The following TUBG2 variants were observed in gnomAD, a reference collection of about 807,000 sequenced individuals.
TUBG2 encodes the protein tubulin gamma-2 chain.
TUBG2 carries 39 observed loss-of-function variants against 55.1 expected under a neutral mutation model. The ratio of observed to expected loss-of-function variants is 0.71; its 90% CI spans 0.55 to 0.93. The LOEUF is 0.93. Among genes scored for constraint, TUBG2 ranks in the 40% least tolerant of loss-of-function variants. TUBG2 has a pLI of 0.00. For missense variants in TUBG2, 358 were observed against 599.1 expected, an observed-to-expected ratio of 0.60 and a Z score of 4.20; for synonymous variants, 223 against 241.0, an observed-to-expected ratio of 0.93 and a Z score of 0.69.
At chr17:42,662,524 C>T (rs773524211) in intron 4 of TUBG2, among the ~76,000 whole-genome samples, 2 of 151,518 alleles carry the variant, frequency 1.3e-5, no homozygotes, top group African/African-American at 2.4e-5. Context: ...GAGAATGGCT[C>T]GAACCTAGGA....
At chr17:42,666,262 G>A (rs397751070) in intron 9 of TUBG2, 23 bp downstream of exon 9, 111 of 1,613,936 alleles carry the variant, frequency 6.9e-5, no homozygotes, top group African/African-American at 5.6e-4. Flanking sequence ...CCTTCATCCC[G>A]CGCCCTGGAC....
At chr17:42,663,812 G>A (rs979780193) in intron 6 of TUBG2, among the ~76,000 whole-genome samples, 4 of 151,900 alleles carry the variant, frequency 2.6e-5, no homozygotes, top group Admixed American at 6.6e-5. Context: ...GCGTGGTGGC[G>A]CATGCCTGTA....
At chr17:42,665,087 C>A (rs1028848477) in intron 6 of TUBG2, among the ~76,000 whole-genome samples, 1 of 151,168 alleles carries the variant, frequency 6.6e-6, no homozygotes, top group Admixed American at 6.6e-5. Context: ...TTGCTCTGTC[C>A]CCCAGGCTGG....
At chr17:42,665,897 C>G in intron 8 of TUBG2, 70 bp downstream of exon 8, 2 of 1,604,664 alleles carry the variant, frequency 1.2e-6, no homozygotes, top group South Asian at 1.1e-5. Context: ...CAGCCTTTCT[C>G]TCTTCCCCAC....
chr17:42,666,613 G>A lies in TUBG2; in HGVS notation c.1169G>A (p.Ser390Asn). The A allele has an allele frequency of 2.5e-6, 4 of 1,614,216 alleles. No individual in the cohort carries two copies. The highest frequency in any genetic ancestry group is 8.5e-7 in the Non-Finnish European group (1 of 1,180,030). ...TTTCATCTCTTTCAGCTCTTTGAAA[G>A]TTCCTGCCAGCAGTTTGACAAGCTG... ...NHTSISSLFE[S>N]SCQQFDKLRK... The change falls in exon 11 of 11, where the codon AGT becomes AAT. Residue 390 changes from serine (S) to asparagine (N), a missense_variant. Physicochemically the swap from Ser to Asn is conservative, Grantham distance 46. Transcript: ENST00000251412.
intron 1 of TUBG2, 24 bp downstream of exon 1, chr17:42,659,576 G>T (rs374679192): frequency 1.3e-5 from 20 of 1,539,342 alleles, no homozygotes; most frequent in East Asian, 2.4e-5. Flanking sequence ...CGCCGGCCCC[G>T]CCGGTCTCTG....
At chr17:42,662,371 C>T (rs953049021) in intron 4 of TUBG2, among the ~76,000 whole-genome samples, 2 of 151,928 alleles carry the variant, frequency 1.3e-5, no homozygotes, top group African/African-American at 2.4e-5. Flanking sequence ...TTTGGCAGGC[C>T]GAGGCGGGCA....
At chr17:42,666,292 G>A (rs2052540142) in intron 9 of TUBG2, 31 bp from the exon 10 acceptor site, 5 of 1,614,000 alleles carry the variant, frequency 3.1e-6, no homozygotes, top group Non-Finnish European at 3.4e-6. Context: ...TAGAGGAGAG[G>A]CCACCTCCAC....
chr17:42,666,898 T>C lies in TUBG2; in HGVS notation c.*98T>C. The C allele has an allele frequency of 7.5e-7, 1 of 1,334,824 alleles. No homozygotes were observed. Among genetic ancestry groups the C allele is most frequent in the Non-Finnish European group, 1.0e-6 (1 of 954,468 alleles). The allele number at this position is 1,334,824 out of a possible 1,614,324, so 82.7% of individuals were successfully genotyped here. ...AGCTTCACCTCATGGACAACCCTTC[T>C]TGGTTCATCTCCAGCCCGTGAGCTG... On this transcript the variant is annotated 3_prime_UTR_variant, in exon 11 of 11. Coordinates refer to ENST00000251412, the MANE Select transcript of TUBG2 (RefSeq NM_016437.3).
chr17:42,663,082 A>G lies in TUBG2; in HGVS notation c.479+30A>G, dbSNP rs145824612. 9.2e-4 allele frequency: 1,473 copies of G among 1,603,642 alleles called. 1 individual carries two copies. The highest frequency in any genetic ancestry group is 1.2e-3 in the South Asian group (111 of 90,406). ...GCCTGTGTTTGGGGAGAGGGCATTA[A>G]CCCTGGTTCCCTGAGTAATGTCATT... is the stretch of plus-strand genomic sequence containing the variant. On this transcript the variant is annotated intron_variant, in intron 5 of 10. Coordinates refer to ENST00000251412, the MANE Select transcript of TUBG2 (RefSeq NM_016437.3).
At position 42,659,392 on chromosome 17, in the gene TUBG2, A is replaced by T; in HGVS notation, c.-112A>T. 1 of 1,154,886 alleles carries T rather than the reference A, an allele frequency of 8.7e-7. No homozygotes were observed. Among genetic ancestry groups the T allele is most frequent in the Non-Finnish European group, 1.2e-6 (1 of 836,722 alleles). The allele number at this position is 1,154,886 out of a possible 1,614,324, so 71.5% of individuals were successfully genotyped here. Reference sequence around the variant, plus strand: ...CACGCGCAGACCGAGCATCCGCGTCAAGAGGCGAAGAGAGCGCGCGCTCCC... The same window carrying T: ...CACGCGCAGACCGAGCATCCGCGTCTAGAGGCGAAGAGAGCGCGCGCTCCC... On this transcript the variant is annotated 5_prime_UTR_variant, in exon 1 of 11. Coordinates refer to ENST00000251412, the MANE Select transcript of TUBG2 (RefSeq NM_016437.3).
At chr17:42,661,965 ACTC>A (rs1400391298) in intron 4 of TUBG2, among the ~76,000 whole-genome samples, 1 of 152,078 alleles carries the variant, frequency 6.6e-6, no homozygotes, top group African/African-American at 2.4e-5. Context: ...AGGTACAGAT[ACTC>A]CTCAACTTAC....
Position 42,660,307 on chromosome 17 carries a change from A to G in TUBG2, c.321A>G (p.Gly107=). 1 of 1,614,184 alleles carries G rather than the reference A, an allele frequency of 6.2e-7. No individual in the cohort carries two copies. The highest frequency in any genetic ancestry group is 2.2e-5 in the East Asian group (1 of 44,884). Residue 107 remains glycine, a synonymous_variant, in exon 3 of 11, where the codon GGA becomes GGG. Coordinates refer to ENST00000251412, the MANE Select transcript of TUBG2 (RefSeq NM_016437.3). ...GAGCTGGCAACAACTGGGCCAGCGG[A>G]TTCTCCCAGGTGTCCTAGCGACCAT... ...GGGAGNNWAS[G]FSQGEKIHED...
chr17:42,665,453 G>A (rs372624649), intron 6 of TUBG2, 23 bp from the exon 7 acceptor site: 6 of 1,613,908 alleles, frequency 3.7e-6, no homozygotes, highest in Non-Finnish European at 5.1e-6. Flanking sequence ...TCAAGATGCT[G>A]TGATGCTCTT....
At position 42,660,537 on chromosome 17, in the gene TUBG2, G is replaced by A. The variant is rs1049536237; in HGVS notation, c.331-102G>A. 2.2e-6 allele frequency: 3 copies of A among 1,337,158 alleles called. No homozygotes were observed. In the African/African-American group the frequency reaches 4.3e-5, roughly 19 times the overall value. The allele number at this position is 1,337,158 out of a possible 1,614,324, so 82.8% of individuals were successfully genotyped here. A position where few individuals can be genotyped will look rare whatever the true frequency, so the allele number is the denominator to read the frequency against. On this transcript the variant is annotated intron_variant, in intron 3 of 10. Transcript: ENST00000251412. ...TACAGCCTAGGCTCTGCTTCAGGGT[G>A]GCAACAATATTCCAGGGTAGACAGA...
Position 42,659,358 on chromosome 17 carries a change from T to G in TUBG2, c.-146T>G. On this transcript the variant is annotated 5_prime_UTR_variant, in exon 1 of 11. Transcript: ENST00000251412. Reference sequence around the variant, plus strand: ...CCGGCCCACCGGCCGAGGAGAGGCCTGCGCTGCACACGCGCAGACCGAGCA... The same window carrying G: ...CCGGCCCACCGGCCGAGGAGAGGCCGGCGCTGCACACGCGCAGACCGAGCA... 1 of 826,274 alleles carries G rather than the reference T, an allele frequency of 1.2e-6. No individual in the cohort carries two copies. The highest frequency in any genetic ancestry group is 1.9e-5 in the South Asian group (1 of 53,266). 51.2% of individuals were successfully genotyped at this position (826,274 alleles called of 1,614,324 possible). A position where few individuals can be genotyped will look rare whatever the true frequency, so the allele number is the denominator to read the frequency against.
chr17:42,663,988 T>G (rs2052455214), intron 6 of TUBG2, among the ~76,000 whole-genome samples: 1 of 148,742 alleles, frequency 6.7e-6, no homozygotes, highest in Middle Eastern at 3.3e-3. Context: ...GTGCCTGTAG[T>G]CCCAGCTACT....
chr17:42,665,679 T>C lies in TUBG2; in HGVS notation c.695T>C (p.Val232Ala), dbSNP rs756619091. 2 of 1,614,052 alleles carry C rather than the reference T, an allele frequency of 1.2e-6. No individual in the cohort carries two copies. Among genetic ancestry groups the C allele is most frequent in the East Asian group, 2.2e-5 (1 of 44,850 alleles). The change falls in exon 8 of 11, where the codon GTG becomes GCG. Residue 232 changes from valine (V) to alanine (A), a missense_variant and splice_region_variant. Transcript: ENST00000251412. ...NPSFSQINQL[V>A]STIMSASTTT... Reference sequence around the variant, plus strand: ...ATGACATGGCACGCCTGTCCCCAGGTGTCCACCATCATGTCGGCCAGCACC... The same window carrying C: ...ATGACATGGCACGCCTGTCCCCAGGCGTCCACCATCATGTCGGCCAGCACC...
rs780363225 is a variant in TUBG2, at chr17:42,660,208, C to T, written c.222C>T (p.Ile74=). ...TGCTGGACTTGGAACCCCGGGTGAT[C>T]CACTCCATCCTCAACTCCCCCTATG... ...AVLLDLEPRV[I]HSILNSPYAK... is the part of the protein sequence containing the mutation. Residue 74 remains isoleucine, a synonymous_variant, in exon 3 of 11, where the codon ATC becomes ATT. Transcript: ENST00000251412. 3.1e-6 allele frequency: 5 copies of T among 1,611,962 alleles called. No homozygotes were observed. Among genetic ancestry groups the T allele is most frequent in the South Asian group, 1.1e-5 (1 of 90,972 alleles).
Sources: allele counts gnomAD v4.1 joint callset (sites outside exome capture counted in the v4.1 genomes callset), GRCh38; gene constraint gnomAD v4.1.1; transcripts MANE v1.5; gene names NCBI Gene and HGNC (gene_info 2026-07-23, HGNC 2026-07-21).